The following SLC29A3 variants were observed in gnomAD, a reference collection of about 807,000 sequenced individuals.
The protein encoded by SLC29A3 is equilibrative nucleoside transporter 3.
SLC29A3 carries 18 observed loss-of-function variants against 25.4 expected under a neutral mutation model. The observed-to-expected ratio is 0.71, with a 90% CI of 0.49 to 1.05. The LOEUF is 1.05. SLC29A3 is among the 50% of genes least tolerant of loss of function. The probability of loss-of-function intolerance (pLI) is 0.00; values close to 1 mark genes in which losing one functional copy is unlikely to be tolerated. For synonymous variants in SLC29A3, 258 were observed against 267.1 expected (o/e 0.97, Z 0.33); for missense variants, 586 against 609.0 (o/e 0.96, Z 0.40).
rs966159712 is a variant in SLC29A3 at position 71,319,538 on chromosome 10, C to G, written c.1+228C>G. 2.7e-5 allele frequency: 11 copies of G among 415,022 alleles called. No homozygotes were observed. The Admixed American group carries it at 2.7e-4, about 10-fold the overall frequency. 25.7% of individuals were successfully genotyped at this position (415,022 alleles called of 1,614,324 possible). A position where few individuals can be genotyped will look rare whatever the true frequency, so the allele number is the denominator to read the frequency against. ...TCTCTTCCCCAAATCCTCTCCCCTC[C>G]TCCTCCCTGAGACTGGACCTCACCG... On this transcript the variant is annotated intron_variant, in intron 1 of 5. Transcript: ENST00000373189.
intron 4 of SLC29A3, among the ~76,000 whole-genome samples, chr10:71,377,437 G>A (rs1313316620): frequency 6.6e-6 from 1 of 152,240 alleles, no homozygotes; most frequent in Non-Finnish European, 1.5e-5. Context: ...CGCCCCCGCT[G>A]GCCTCTGGCA....
intron 4 of SLC29A3, among the ~76,000 whole-genome samples, chr10:71,376,054 C>T (rs1236422929): frequency 6.6e-6 from 1 of 152,160 alleles, no homozygotes; most frequent in East Asian, 1.9e-4. Flanking sequence ...AAAGTGTAAA[C>T]AGGAAATAGA....
chr10:71,350,039 G>A (rs182997067), intron 3 of SLC29A3, among the ~76,000 whole-genome samples: 7 of 152,296 alleles, frequency 4.6e-5, no homozygotes, highest in East Asian at 3.9e-4. Context: ...GCACATTTGC[G>A]GAATGACCAC....
chr10:71,341,811 G>T (rs1431681615), intron 2 of SLC29A3, among the ~76,000 whole-genome samples: 2 of 152,350 alleles, frequency 1.3e-5, no homozygotes, highest in Admixed American at 1.3e-4. Context: ...CTTAGCTGGA[G>T]AAAGGTCACT....
chr10:71,341,277 T>C (rs1339309386), intron 2 of SLC29A3, among the ~76,000 whole-genome samples: 2 of 152,240 alleles, frequency 1.3e-5, no homozygotes, highest in African/African-American at 2.4e-5. Flanking sequence ...ATGGGACCAA[T>C]GGCTGTGGAC....
chr10:71,367,133 G>A (rs1209262851), downstream of SLC29A3, among the ~76,000 whole-genome samples: 12 of 152,144 alleles, frequency 7.9e-5, no homozygotes. Flanking sequence ...AAGTGGAGGA[G>A]GCATCTCTGT....
At chr10:71,332,152 C>CTTTTTTTTTT (rs10716665) in intron 2 of SLC29A3, among the ~76,000 whole-genome samples, 2 of 135,244 alleles carry the variant, frequency 1.5e-5, no homozygotes, top group Admixed American at 7.5e-5. Flanking sequence ...TCTTTTTTTT[C>CTTTTTTTTTT]TTTTTTTTTT....
chr10:71,324,623 A>G (rs1309742797), intron 2 of SLC29A3, among the ~76,000 whole-genome samples: 1 of 152,182 alleles, frequency 6.6e-6, no homozygotes, highest in Non-Finnish European at 1.5e-5. Flanking sequence ...CTGATGGAAA[A>G]TGTACTATTA....
At chr10:71,345,258 G>A (rs1846536468) in intron 3 of SLC29A3, among the ~76,000 whole-genome samples, 1 of 152,184 alleles carries the variant, frequency 6.6e-6, no homozygotes, top group Non-Finnish European at 1.5e-5. Context: ...CAAGTCATGA[G>A]TACTTCTCAT....
intron 1 of SLC29A3, among the ~76,000 whole-genome samples, chr10:71,320,482 C>CG (rs1299687335): frequency 8.8e-6 from 1 of 113,796 alleles, no homozygotes; most frequent in African/African-American, 4.3e-5. Flanking sequence ...TGAGGGCTCT[C>CG]TTCCTGGCTT....
chr10:71,337,749 G>A (rs996941818), intron 2 of SLC29A3, among the ~76,000 whole-genome samples: 1 of 152,172 alleles, frequency 6.6e-6, no homozygotes, highest in Non-Finnish European at 1.5e-5. Flanking sequence ...CTCCCTGCCC[G>A]AAGAAACCTC....
downstream of SLC29A3, among the ~76,000 whole-genome samples, chr10:71,363,959 A>C (rs1332234639): frequency 6.6e-6 from 1 of 151,866 alleles, no homozygotes; most frequent in Non-Finnish European, 1.5e-5. Flanking sequence ...AAAACTAGTA[A>C]TAGGCCATTC....
intron 2 of SLC29A3, among the ~76,000 whole-genome samples, chr10:71,343,384 T>C: frequency 6.6e-6 from 1 of 152,232 alleles, no homozygotes; most frequent in Admixed American, 6.5e-5. Flanking sequence ...ACAGCTGCTT[T>C]AGCTGTGAGT....
At chr10:71,322,734 G>A in intron 1 of SLC29A3, 22 bp from the exon 2 acceptor site, 1 of 1,613,850 alleles carries the variant, frequency 6.2e-7, no homozygotes, top group Non-Finnish European at 8.5e-7. Context: ...CCCTGTCTCT[G>A]TTGCCCTCCT....
exon 4 of SLC29A3, chr10:71,375,798 T>TA (rs1437415277): frequency 6.6e-6 from 1 of 152,216 alleles, no homozygotes; most frequent in Non-Finnish European, 1.5e-5. Context: ...GCCAAACAGA[T>TA]ACTCATGGGC....
rs192750804 is a variant in SLC29A3 at position 71,351,340 on chromosome 10, A to G, written c.384-222A>G. Among the ~76,000 whole-genome samples, 24 of 152,292 alleles carry G rather than the reference A, an allele frequency of 1.6e-4. No individual in the cohort carries two copies. In the East Asian group the frequency reaches 4.6e-3, roughly 29 times the overall value. ...CCTGTGAGTTGAATCAACTCTCCCC[A>G]TTGTACAAGTTCAAAAGCTGAAACC... On this transcript the variant is annotated intron_variant, in intron 3 of 5. Coordinates refer to ENST00000373189, the MANE Select transcript of SLC29A3 (RefSeq NM_018344.6).
intron 1 of SLC29A3, among the ~76,000 whole-genome samples, chr10:71,320,170 G>A (rs1462562946): frequency 6.6e-6 from 1 of 152,176 alleles, no homozygotes; most frequent in Non-Finnish European, 1.5e-5. Flanking sequence ...CTGAGAAGGG[G>A]GCCCTAGCCA....
chr10:71,356,606 G>A (rs570870401), intron 5 of SLC29A3, among the ~76,000 whole-genome samples: 2 of 151,782 alleles, frequency 1.3e-5, no homozygotes, highest in Admixed American at 6.6e-5. Flanking sequence ...GCAGTGGATC[G>A]CTTGAGCCCA....
Position 71,362,809 on chromosome 10 carries a change from A to G in SLC29A3, c.*201A>G. 1 of 718,032 alleles carries G rather than the reference A, an allele frequency of 1.4e-6. No individual in the cohort carries two copies. The allele number at this position is 718,032 out of a possible 1,614,324, so 44.5% of individuals were successfully genotyped here. A position where few individuals can be genotyped will look rare whatever the true frequency, so the allele number is the denominator to read the frequency against. ...GCAAGGCAGATATTCCAGTCATATT[A>G]ACAGAACACTCCTGAGACAGTTGAA... On this transcript the variant is annotated 3_prime_UTR_variant, in exon 6 of 6. Transcript: ENST00000373189.
Sources: allele counts gnomAD v4.1 joint callset (sites outside exome capture counted in the v4.1 genomes callset), GRCh38; gene constraint gnomAD v4.1.1; transcripts MANE v1.5; gene names NCBI Gene and HGNC (gene_info 2026-07-23, HGNC 2026-07-21).